Variants in APLN observed in about 807,000 individuals in gnomAD.
APLN encodes the protein apelin.
In APLN, 2 loss-of-function variants were observed where a neutral mutation model predicts 4.3. The ratio of observed to expected loss-of-function variants is 0.46; its 90% CI spans 0.19 to 1.45. The LOEUF is 1.45. Ranked by LOEUF, APLN falls within the 40% of genes most tolerant of loss-of-function variation. The pLI, the probability that APLN is intolerant of heterozygous loss-of-function variation, is 0.25. For synonymous variants in APLN, 34 were observed against 30.4 expected (o/e 1.12, Z -0.38); for missense variants, 80 against 70.0 (o/e 1.14, Z -0.51).
At position 129,645,578 on chromosome X, in the gene APLN, T is replaced by C. The variant is rs760381226; in HGVS notation, c.*2345A>G. 4 of 112,636 alleles carry C rather than the reference T, an allele frequency of 3.6e-5. No individual in the cohort carries two copies. The highest frequency in any genetic ancestry group is 7.5e-5 in the Non-Finnish European group (4 of 53,265). 9.3% of individuals were successfully genotyped at this position (112,636 alleles called of 1,213,427 possible). On this transcript the variant is annotated 3_prime_UTR_variant, in exon 3 of 3. Coordinates refer to ENST00000429967, the MANE Select transcript of APLN (RefSeq NM_017413.5). ...AAAAAAATTAGGACACCCAAACAGA[T>C]GCCAGAAAACCTGTAAGTGGGCTGG...
chrX:129,646,920 G>A lies in APLN; in HGVS notation c.*1003C>T, dbSNP rs748099627. Reference sequence around the variant, plus strand: ...ACCCCCAGCCCCAGCCTCGGGAAAAGGCACTTCATTTGCTTTGAAAAGACA... The same window carrying A: ...ACCCCCAGCCCCAGCCTCGGGAAAAAGCACTTCATTTGCTTTGAAAAGACA... On this transcript the variant is annotated 3_prime_UTR_variant, in exon 3 of 3. Coordinates refer to ENST00000429967, the MANE Select transcript of APLN (RefSeq NM_017413.5). 1.8e-5 allele frequency: 2 copies of A among 112,515 alleles called. No individual in the cohort carries two copies. Among genetic ancestry groups the A allele is most frequent in the African/African-American group, 6.5e-5 (2 of 30,826 alleles). 9.3% of individuals were successfully genotyped at this position (112,515 alleles called of 1,213,427 possible).
chrX:129,647,604 T>C lies in APLN; in HGVS notation c.*319A>G, dbSNP rs751982583. ...CCAAATGAAGGTTTGGGGCGTTAGATGAGACAGGCAGGGACTAGGGCGGAG... is the reference window on the plus strand; with the variant it reads ...CCAAATGAAGGTTTGGGGCGTTAGACGAGACAGGCAGGGACTAGGGCGGAG... On this transcript the variant is annotated 3_prime_UTR_variant, in exon 3 of 3. Coordinates refer to ENST00000429967, the MANE Select transcript of APLN (RefSeq NM_017413.5). The C allele has an allele frequency of 8.6e-5, 84 of 972,912 alleles. No individual in the cohort carries two copies. Among genetic ancestry groups the C allele is most frequent in the Non-Finnish European group, 8.1e-5 (61 of 750,609 alleles). The allele number at this position is 972,912 out of a possible 1,213,427, so 80.2% of individuals were successfully genotyped here.
At chrX:129,649,426 T>C (rs898555019) in intron 1 of APLN, among the ~76,000 whole-genome samples, 3 of 111,352 alleles carry the variant, frequency 2.7e-5, no homozygotes, top group Non-Finnish European at 1.9e-5. Context: ...TGGTTAGGCA[T>C]CTCTAGGGCG....
chrX:129,648,976 C>A (rs1490155577), intron 1 of APLN, among the ~76,000 whole-genome samples, 184 bp from the exon 2 acceptor site: 2 of 112,375 alleles, frequency 1.8e-5, no homozygotes, highest in Non-Finnish European at 3.8e-5. Flanking sequence ...ACAAACGGAA[C>A]CTACTACTCA....
At chrX:129,648,561 C>G in intron 2 of APLN, 60 bp downstream of exon 2, 1 of 1,143,217 alleles carries the variant, frequency 8.7e-7, no homozygotes, top group Non-Finnish European at 1.2e-6. Context: ...GATCACCCGG[C>G]TTCTAGGCTG....
Position 129,647,850 on chromosome X carries a change from A to G in APLN, c.*73T>C, listed in dbSNP as rs951370154. 4.7e-5 allele frequency: 46 copies of G among 981,459 alleles called. No individual in the cohort carries two copies. The highest frequency in any genetic ancestry group is 5.8e-5 in the Non-Finnish European group (44 of 755,864). The allele number at this position is 981,459 out of a possible 1,213,427, so 80.9% of individuals were successfully genotyped here. A position where few individuals can be genotyped will look rare whatever the true frequency, so the allele number is the denominator to read the frequency against. On this transcript the variant is annotated 3_prime_UTR_variant, in exon 3 of 3. Coordinates refer to ENST00000429967, the MANE Select transcript of APLN (RefSeq NM_017413.5). ...AGAGCTGAATGGACGTGAGGCCTCC[A>G]GAGAAGCAGACCAATCTATGGAGGA...
chrX:129,654,333 G>A (rs1392141448), intron 1 of APLN, among the ~76,000 whole-genome samples: 1 of 113,385 alleles, frequency 8.8e-6, no homozygotes, highest in African/African-American at 3.2e-5. Context: ...ACAAGGTGAC[G>A]GGCAGGTGAT....
rs1304324186 is a variant in APLN at position 129,648,663 on chromosome X, C to T, written c.197G>A (p.Arg66Gln). ...GGGTCCCTTATGGGAGAGGCGGGGC[C>T]GCTGGCGGCGGAATTTCCTCCGACC... ...QGGRRKFRRQ[R>Q]PRLSHKGPMP... The change falls in exon 2 of 3, where the codon CGG (arginine) becomes CAG (glutamine). Residue 66 changes from arginine (R) to glutamine (Q), a missense_variant. Arg to Gln is a conservative substitution (Grantham distance 43). Transcript: ENST00000429967. 5 of 1,193,905 alleles carry T rather than the reference C, an allele frequency of 4.2e-6. No homozygotes were observed. The highest frequency in any genetic ancestry group is 4.5e-6 in the Non-Finnish European group (4 of 886,214).
chrX:129,654,626 T>C lies in APLN; in HGVS notation c.5A>G (p.Asn2Ser). The change falls in exon 1 of 3, where the codon AAT (asparagine) becomes AGT (serine). Residue 2 changes from asparagine (N) to serine (S), a missense_variant. Physicochemically the swap from Asn to Ser is conservative, Grantham distance 46. Transcript: ENST00000429967. ...GAGCGCCTGCACGCAGAGCCGCAGA[T>C]TCATGCTGCTCCTTGGGCCGCCGCG... The part of the protein sequence containing the change: M[N>S]LRLCVQALLL... 8.8e-7 allele frequency: 1 copy of C among 1,142,043 alleles called. No homozygotes were observed. 94.1% of individuals were successfully genotyped at this position (1,142,043 alleles called of 1,213,427 possible).
chrX:129,648,063 T>C (rs745319804), intron 2 of APLN, 146 bp from the exon 3 acceptor site: 1 of 789,754 alleles, frequency 1.3e-6, no homozygotes, highest in South Asian at 2.7e-5. Context: ...GCCCCTGAGT[T>C]GGTGCCTGCC....
Position 129,647,551 on chromosome X carries a change from G to A in APLN, c.*372C>T, listed in dbSNP as rs1434746517. 11 of 913,970 alleles carry A rather than the reference G, an allele frequency of 1.2e-5. No individual in the cohort carries two copies. Among genetic ancestry groups the A allele is most frequent in the Admixed American group, 6.9e-5 (2 of 29,104 alleles). 75.3% of individuals were successfully genotyped at this position (913,970 alleles called of 1,213,427 possible). A position where few individuals can be genotyped will look rare whatever the true frequency, so the allele number is the denominator to read the frequency against. On this transcript the variant is annotated 3_prime_UTR_variant, in exon 3 of 3. Coordinates refer to ENST00000429967, the MANE Select transcript of APLN (RefSeq NM_017413.5). ...ACAGAAGGGAGCACTTCCACCCCGC[G>A]CTCAGGGCAGACATGAGGAAGGAAG...
At chrX:129,649,327 G>A (rs921121985) in intron 1 of APLN, among the ~76,000 whole-genome samples, 1 of 111,641 alleles carries the variant, frequency 9.0e-6, no homozygotes, top group African/African-American at 3.3e-5. Flanking sequence ...CGAACATCAC[G>A]TCATTGTACT....
chrX:129,647,231 G>A lies in APLN; in HGVS notation c.*692C>T, dbSNP rs775274520. ...GGAGCTTGGGCTAGCTGGGGATGGG[G>A]TGTGGGGGCAGGAAGAAGGGAGTAT... On this transcript the variant is annotated 3_prime_UTR_variant, in exon 3 of 3. Coordinates refer to ENST00000429967, the MANE Select transcript of APLN (RefSeq NM_017413.5). 1.3e-5 allele frequency: 2 copies of A among 155,121 alleles called. No homozygotes were observed. The highest frequency in any genetic ancestry group is 2.5e-5 in the Non-Finnish European group (2 of 78,775). 12.8% of individuals were successfully genotyped at this position (155,121 alleles called of 1,213,427 possible).
intron 1 of APLN, among the ~76,000 whole-genome samples, chrX:129,651,820 G>A (rs1318945711): frequency 8.0e-5 from 9 of 111,998 alleles, no homozygotes; most frequent in Non-Finnish European, 1.5e-4. Context: ...AAGCCCAAAC[G>A]TATGCTCCGG....
At chrX:129,651,252 C>A (rs1936977334) in intron 1 of APLN, among the ~76,000 whole-genome samples, 1 of 110,744 alleles carries the variant, frequency 9.0e-6, no homozygotes. Flanking sequence ...TTGCATCCCT[C>A]CCATTGCGTT....
rs890011491 is a variant in APLN, at chrX:129,646,205, C to A, written c.*1718G>T. On this transcript the variant is annotated 3_prime_UTR_variant, in exon 3 of 3. Transcript: ENST00000429967. ...ACTCCAAGCATGAGCCTTTAAGCAGCAGCAGCAGCAGCAGCAGCGTTAGCA... is the reference window on the plus strand; with the variant it reads ...ACTCCAAGCATGAGCCTTTAAGCAGAAGCAGCAGCAGCAGCAGCGTTAGCA... 4 of 125,734 alleles carry A rather than the reference C, an allele frequency of 3.2e-5. No individual in the cohort carries two copies. The highest frequency in any genetic ancestry group is 5.0e-5 in the Non-Finnish European group (3 of 59,885). The allele number at this position is 125,734 out of a possible 1,213,427, so 10.4% of individuals were successfully genotyped here.
chrX:129,649,525 A>G (rs1936965102), intron 1 of APLN, among the ~76,000 whole-genome samples: 1 of 111,472 alleles, frequency 9.0e-6, no homozygotes, highest in Non-Finnish European at 1.9e-5. Flanking sequence ...GACCAGATTT[A>G]GAGACCTGAG....
rs772114172 is a variant in APLN, at chrX:129,647,204, C to G, written c.*719G>C. 2.0e-5 allele frequency: 3 copies of G among 147,390 alleles called. No homozygotes were observed. The highest frequency in any genetic ancestry group is 2.7e-5 in the Non-Finnish European group (2 of 73,562). The allele number at this position is 147,390 out of a possible 1,213,427, so 12.1% of individuals were successfully genotyped here. On this transcript the variant is annotated 3_prime_UTR_variant, in exon 3 of 3. Coordinates refer to ENST00000429967, the MANE Select transcript of APLN (RefSeq NM_017413.5). ...AGGCCCAGCACCCTCCCCTCCTGAC[C>G]TGGAGCTTGGGCTAGCTGGGGATGG... is the stretch of plus-strand genomic sequence containing the variant.
chrX:129,654,611 A>C lies in APLN; in HGVS notation c.20T>G (p.Val7Gly). Reference protein sequence around the residue: MNLRLCVQALLLLWLSL... With the variant: MNLRLCGQALLLLWLSL... ...GAGCCAGAGCAGCAGGAGCGCCTGC[A>C]CGCAGAGCCGCAGATTCATGCTGCT... The change falls in exon 1 of 3, where the codon GTG (valine) becomes GGG (glycine). Residue 7 changes from valine to glycine, a missense_variant. By Grantham distance (109) the Val-to-Gly change is moderately radical. Coordinates refer to ENST00000429967, the MANE Select transcript of APLN (RefSeq NM_017413.5). The C allele has an allele frequency of 8.7e-7, 1 of 1,151,670 alleles. No homozygotes were observed. Among genetic ancestry groups the C allele is most frequent in the Non-Finnish European group, 1.2e-6 (1 of 868,055 alleles). 94.9% of individuals were successfully genotyped at this position (1,151,670 alleles called of 1,213,427 possible). A position where few individuals can be genotyped will look rare whatever the true frequency, so the allele number is the denominator to read the frequency against.
Sources: allele counts gnomAD v4.1 joint callset (sites outside exome capture counted in the v4.1 genomes callset), GRCh38; gene constraint gnomAD v4.1.1; transcripts MANE v1.5; gene names NCBI Gene and HGNC (gene_info 2026-07-23, HGNC 2026-07-21).